The following NECTIN3 variants were observed in gnomAD, a reference collection of about 807,000 sequenced individuals.
The protein encoded by NECTIN3 is nectin-3.
In NECTIN3, 8 loss-of-function variants were observed where a neutral mutation model predicts 49.4. The ratio of observed to expected loss-of-function variants is 0.16; its 90% CI spans 0.10 to 0.29. The LOEUF is 0.29. Ranked by LOEUF, NECTIN3 falls within the 10% of genes least tolerant of loss-of-function variation. The pLI, the probability that NECTIN3 is intolerant of heterozygous loss-of-function variation, is 1.00. For missense variants in NECTIN3, 581 were observed against 654.6 expected, an observed-to-expected ratio of 0.89 and a Z score of 1.23; for synonymous variants, 277 against 241.1, an observed-to-expected ratio of 1.15 and a Z score of -1.38.
At chr3:111,166,346 A>C (rs750975551) in intron 7 of NECTIN3, among the ~76,000 whole-genome samples, 1 of 150,150 alleles carries the variant, frequency 6.7e-6, no homozygotes, top group Non-Finnish European at 1.5e-5. Flanking sequence ...CCAGTGAACA[A>C]TGTTATGTCC....
At chr3:111,104,807 G>A (rs144891286) in intron 1 of NECTIN3, among the ~76,000 whole-genome samples, 4 of 152,196 alleles carry the variant, frequency 2.6e-5, no homozygotes, top group Admixed American at 2.0e-4. Flanking sequence ...AACTCATTGT[G>A]CTTTTAATGA....
Position 111,118,767 on chromosome 3 carries a change from A to C in NECTIN3, c.614A>C (p.Asp205Ala). The C allele has an allele frequency of 5.0e-6, 8 of 1,614,152 alleles. No homozygotes were observed. The highest frequency in any genetic ancestry group is 6.8e-6 in the Non-Finnish European group (8 of 1,180,022). ...ACTGGAAAACCCGTTGCACATATTG[A>C]CTGGGAAGGTGATCTTGGTGAAATG... ...AATGKPVAHI[D>A]WEGDLGEMES... Residue 205 changes from aspartate (D) to alanine (A), a missense_variant, in exon 3 of 6, where the codon GAC becomes GCC. Transcript: ENST00000485303.
At chr3:111,077,644 A>G (rs1443333098) in intron 1 of NECTIN3, among the ~76,000 whole-genome samples, 2 of 152,116 alleles carry the variant, frequency 1.3e-5, no homozygotes, top group Non-Finnish European at 2.9e-5. Context: ...GGGTTGGGAC[A>G]TTTGTATTTT....
At chr3:111,072,868 T>G in intron 1 of NECTIN3, 2 of 288,616 alleles carry the variant, frequency 6.9e-6, no homozygotes, top group South Asian at 7.1e-5. Context: ...TTTCATGGAC[T>G]GTGTGCCCCG....
At chr3:111,090,568 T>TTGTGTG (rs10596117) in intron 1 of NECTIN3, among the ~76,000 whole-genome samples, 28 of 148,470 alleles carry the variant, frequency 1.9e-4, no homozygotes, top group African/African-American at 6.4e-4. Flanking sequence ...GTTTGCTTGT[T>TTGTGTG]TGTGTGTGTG....
intron 5 of NECTIN3, among the ~76,000 whole-genome samples, chr3:111,128,634 C>T (rs1237705271): frequency 6.6e-6 from 1 of 152,090 alleles, no homozygotes; most frequent in African/African-American, 2.4e-5. Context: ...TACATTTGTT[C>T]AGGATACAAC....
At chr3:111,131,453 G>T (rs1435724464) in intron 5 of NECTIN3, among the ~76,000 whole-genome samples, 1 of 151,936 alleles carries the variant, frequency 6.6e-6, no homozygotes, top group Non-Finnish European at 1.5e-5. Flanking sequence ...TGCACGCATT[G>T]TCATATTTCC....
At chr3:111,105,190 T>C (rs2033123015) in intron 1 of NECTIN3, among the ~76,000 whole-genome samples, 1 of 151,500 alleles carries the variant, frequency 6.6e-6, no homozygotes, top group African/African-American at 2.4e-5. Context: ...TCACCCAGGC[T>C]GGAGTGCAGT....
intron 1 of NECTIN3, among the ~76,000 whole-genome samples, chr3:111,096,817 A>C (rs139854988): frequency 2.0e-5 from 3 of 152,346 alleles, no homozygotes; most frequent in Non-Finnish European, 4.4e-5. Context: ...CCTAGATTTC[A>C]GAAGATGTAT....
chr3:111,190,818 G>A (rs1169577918), upstream of NECTIN3, among the ~76,000 whole-genome samples: 1 of 152,192 alleles, frequency 6.6e-6, no homozygotes, highest in Non-Finnish European at 1.5e-5. Flanking sequence ...ACTTACTGGA[G>A]TTGAAAGTTA....
chr3:111,159,020 C>T (rs2035155003), intron 7 of NECTIN3, among the ~76,000 whole-genome samples: 1 of 152,064 alleles, frequency 6.6e-6, no homozygotes, highest in Admixed American at 6.5e-5. Context: ...CAAGTTAAAC[C>T]ACAATGAATT....
intron 3 of NECTIN3, among the ~76,000 whole-genome samples, chr3:111,120,061 T>C (rs1459907443): frequency 6.6e-6 from 1 of 152,220 alleles, no homozygotes; most frequent in Non-Finnish European, 1.5e-5. Flanking sequence ...TACCATCTTT[T>C]CTCAATTCTC....
rs759255246 is a variant in NECTIN3 at position 111,133,846 on chromosome 3, C to G, written c.1281C>G (p.Cys427Trp). Residue 427 changes from cysteine to tryptophan, a missense_variant, in exon 6 of 6, where the codon TGC becomes TGG. Coordinates refer to ENST00000485303, the MANE Select transcript of NECTIN3 (RefSeq NM_015480.3). ...VLVSVLAGIF[C>W]YRRRRTFRGD... ...TAAGTGTTTTGGCTGGAATATTCTGCTATAGGAGAAGACGGACGTTTCGTG... is the reference window on the plus strand; with the variant it reads ...TAAGTGTTTTGGCTGGAATATTCTGGTATAGGAGAAGACGGACGTTTCGTG... 12 of 1,613,828 alleles carry G rather than the reference C, an allele frequency of 7.4e-6. No individual in the cohort carries two copies. The Admixed American group carries it at 2.0e-4, about 27-fold the overall frequency.
intron 4 of NECTIN3, among the ~76,000 whole-genome samples, chr3:111,125,098 G>A (rs966976638): frequency 1.5e-5 from 2 of 130,146 alleles, no homozygotes; most frequent in Non-Finnish European, 3.1e-5. Context: ...GTGCCATCTC[G>A]TCTCACTGCA....
intron 7 of NECTIN3, among the ~76,000 whole-genome samples, chr3:111,168,717 T>A (rs2035371106): frequency 6.6e-6 from 1 of 152,144 alleles, no homozygotes; most frequent in Non-Finnish European, 1.5e-5. Context: ...CAGAAGCAGA[T>A]TCTGGGCAAA....
chr3:111,115,213 C>G (rs2033641828), intron 2 of NECTIN3, among the ~76,000 whole-genome samples: 1 of 152,144 alleles, frequency 6.6e-6, no homozygotes, highest in South Asian at 2.1e-4. Context: ...TGGGGAATCA[C>G]CCCCTGTTGA....
Position 111,071,952 on chromosome 3 carries a change from C to A in NECTIN3, c.-66C>A. On this transcript the variant is annotated 5_prime_UTR_variant, in exon 1 of 6. Coordinates refer to ENST00000485303, the MANE Select transcript of NECTIN3 (RefSeq NM_015480.3). ...GACCTTCCACAGCCTCCGCCCAGAG[C>A]CTGAGGCGCCGGGGCCGGGGGAGCC... The A allele has an allele frequency of 8.1e-7, 1 of 1,228,944 alleles. No homozygotes were observed. Among genetic ancestry groups the A allele is most frequent in the African/African-American group, 1.6e-5 (1 of 61,618 alleles). The allele number at this position is 1,228,944 out of a possible 1,614,324, so 76.1% of individuals were successfully genotyped here. A position where few individuals can be genotyped will look rare whatever the true frequency, so the allele number is the denominator to read the frequency against.
At chr3:111,092,484 G>A (rs1349516178) in intron 1 of NECTIN3, among the ~76,000 whole-genome samples, 3 of 152,056 alleles carry the variant, frequency 2.0e-5, no homozygotes, top group African/African-American at 7.2e-5. Context: ...TATGGTACAA[G>A]GAAAGAGTCT....
Position 111,134,775 on chromosome 3 carries a change from A to G in NECTIN3, c.*560A>G. 1.0e-6 allele frequency: 1 copy of G among 973,568 alleles called. No individual in the cohort carries two copies. The highest frequency in any genetic ancestry group is 1.2e-6 in the Non-Finnish European group (1 of 819,240). The allele number at this position is 973,568 out of a possible 1,614,324, so 60.3% of individuals were successfully genotyped here. On this transcript the variant is annotated 3_prime_UTR_variant, in exon 6 of 6. Coordinates refer to ENST00000485303, the MANE Select transcript of NECTIN3 (RefSeq NM_015480.3). The stretch of plus-strand genomic sequence containing the variant: ...ATTTTCTAAGTTTCTATACAAATGA[A>G]ATCTTTACCTCTGCATATTAATGAG...
Sources: allele counts gnomAD v4.1 joint callset (sites outside exome capture counted in the v4.1 genomes callset), GRCh38; gene constraint gnomAD v4.1.1; transcripts MANE v1.5; gene names NCBI Gene and HGNC (gene_info 2026-07-23, HGNC 2026-07-21).